The following CROCC variants were observed in gnomAD, a reference collection of about 807,000 sequenced individuals.
CROCC encodes ciliary rootlet coiled-coil, rootletin.
Under a neutral mutation model 245.2 loss-of-function variants are expected in CROCC, and 180 were observed. That is an observed-to-expected ratio of 0.73 (90% CI 0.65 to 0.83). The LOEUF (loss-of-function observed/expected upper bound fraction) is 0.83. Ranked by LOEUF, CROCC falls within the 40% of genes least tolerant of loss-of-function variation. The probability of loss-of-function intolerance (pLI) is 0.00; values close to 1 mark genes in which losing one functional copy is unlikely to be tolerated. For synonymous variants in CROCC, 1,205 were observed against 1,241.6 expected, an observed-to-expected ratio of 0.97 and a Z score of 0.62; for missense variants, 2,688 against 2,779.4, an observed-to-expected ratio of 0.97 and a Z score of 0.74.
In CROCC at chr1:16,930,600, C is replaced by T; in HGVS notation, c.849+6C>T. Reference sequence around the variant, plus strand: ...CGTGGAGGCGCGAGGAGGAGGTGGGCATGGGGGTGCAGGGAGGCCAGCCTG... The same window carrying T: ...CGTGGAGGCGCGAGGAGGAGGTGGGTATGGGGGTGCAGGGAGGCCAGCCTG... On this transcript the variant is annotated splice_donor_region_variant and intron_variant, in intron 7 of 36. Coordinates refer to ENST00000375541, the MANE Select transcript of CROCC (RefSeq NM_014675.5). 1 of 1,604,472 alleles carries T rather than the reference C, an allele frequency of 6.2e-7. No homozygotes were observed. Among genetic ancestry groups the T allele is most frequent in the Non-Finnish European group, 8.5e-7 (1 of 1,176,220 alleles).
At chr1:16,960,139 C>G (rs1054786302) in intron 26 of CROCC, among the ~76,000 whole-genome samples, 1 of 152,054 alleles carries the variant, frequency 6.6e-6, no homozygotes, top group Non-Finnish European at 1.5e-5. Flanking sequence ...TGGTGGTGCT[C>G]ACCTGTAATC....
chr1:16,914,207 C>T (rs1336322185), intron 1 of CROCC, among the ~76,000 whole-genome samples: 32 of 152,014 alleles, frequency 2.1e-4, no homozygotes, highest in Non-Finnish European at 3.7e-4. Flanking sequence ...AGGCCGCGCG[C>T]CTGGGGGCGG....
At chr1:16,936,589 A>C (rs1243470156) in intron 8 of CROCC, 48 bp from the exon 9 acceptor site, 1 of 1,494,512 alleles carries the variant, frequency 6.7e-7, no homozygotes, top group East Asian at 2.3e-5. Context: ...TTTAATTTGT[A>C]GTTGGGAGCA....
At position 16,955,994 on chromosome 1, in the gene CROCC, C is replaced by T. The variant is rs2076244726; in HGVS notation, c.3705-3C>T. On this transcript the variant is annotated splice_polypyrimidine_tract_variant and splice_region_variant and intron_variant, in intron 24 of 36. Transcript: ENST00000375541. Reference sequence around the variant, plus strand: ...GGCAGCCCCTGACCTCTGCCCTCTCCAGCCTGAAGCTTGCCAATGAGGACA... The same window carrying T: ...GGCAGCCCCTGACCTCTGCCCTCTCTAGCCTGAAGCTTGCCAATGAGGACA... 1 of 1,550,102 alleles carries T rather than the reference C, an allele frequency of 6.5e-7. No individual in the cohort carries two copies. Among genetic ancestry groups the T allele is most frequent in the Non-Finnish European group, 8.7e-7 (1 of 1,146,970 alleles).
In CROCC at chr1:16,948,669, C is replaced by G. The variant is rs2076105078; in HGVS notation, c.2709-130C>G. ...CGTCCTAGCTGTGGCTCAGGCTTCC[C>G]CAGGGAGTGTGGGCCTGGCCAGGCA... On this transcript the variant is annotated intron_variant, in intron 18 of 36. Coordinates refer to ENST00000375541, the MANE Select transcript of CROCC (RefSeq NM_014675.5). 5.9e-6 allele frequency: 9 copies of G among 1,526,844 alleles called. No individual in the cohort carries two copies. The East Asian group carries it at 2.0e-4, about 35-fold the overall frequency. 94.6% of individuals were successfully genotyped at this position (1,526,844 alleles called of 1,614,324 possible). A position where few individuals can be genotyped will look rare whatever the true frequency, so the allele number is the denominator to read the frequency against.
intron 17 of CROCC, among the ~76,000 whole-genome samples, chr1:16,947,769 T>G (rs1438345070): frequency 6.6e-6 from 1 of 152,388 alleles, no homozygotes; most frequent in East Asian, 1.9e-4. Flanking sequence ...TTTAGAGTAA[T>G]ACAAGGGTTC....
intron 20 of CROCC, chr1:16,953,101 G>C (rs2076190076): frequency 1.7e-6 from 1 of 582,232 alleles, no homozygotes; most frequent in South Asian, 2.2e-5. Context: ...CGGACCCCCA[G>C]GCCAGCCCAC....
chr1:16,924,612 T>C (rs2075489692), intron 3 of CROCC, 133 bp downstream of exon 3: 1 of 1,228,176 alleles, frequency 8.1e-7, no homozygotes, highest in Non-Finnish European at 1.1e-6. Flanking sequence ...GGATTGAGGC[T>C]CTGCCACCTT....
Position 16,954,773 on chromosome 1 carries a change from C to A in CROCC, c.3361C>A (p.Arg1121=), listed in dbSNP as rs201108592. ...NALTSELRDL[R]AQREEAAAAH... is the part of the protein sequence containing the mutation. Reference sequence around the variant, plus strand: ...TCTGACGTCTGAGCTGCGGGACCTACGGGCCCAGCGGGAGGAGGCTGCTGC... The same window carrying A: ...TCTGACGTCTGAGCTGCGGGACCTAAGGGCCCAGCGGGAGGAGGCTGCTGC... The change falls in exon 23 of 37, where the codon CGG becomes AGG. Residue 1121 remains arginine, a synonymous_variant. Coordinates refer to ENST00000375541, the MANE Select transcript of CROCC (RefSeq NM_014675.5). This position sits in a 1 kb window ranked among gnomAD's most constrained non-coding sequence, Gnocchi z 4.4. The A allele has an allele frequency of 2.6e-6, 4 of 1,554,162 alleles. No homozygotes were observed. Among genetic ancestry groups the A allele is most frequent in the South Asian group, 1.2e-5 (1 of 84,278 alleles).
chr1:16,957,138 T>G (rs1399352798), intron 25 of CROCC, among the ~76,000 whole-genome samples: 1 of 152,174 alleles, frequency 6.6e-6, no homozygotes, highest in African/African-American at 2.4e-5. Context: ...CCAGCTGTGA[T>G]GGCTCATGCC....
Position 16,969,914 on chromosome 1 carries a change from C to T in CROCC, c.5431C>T (p.Gln1811Ter). The T allele has an allele frequency of 1.3e-6, 2 of 1,598,802 alleles. No homozygotes were observed. The highest frequency in any genetic ancestry group is 1.7e-6 in the Non-Finnish European group (2 of 1,172,180). ...LELQRVEAEG[Q>*]LQQLREVLRQ... is the part of the protein sequence containing the mutation. ...ACTGCAGCGGGTGGAGGCCGAGGGC[C>T]AGCTACAACAGCTACGGGAGGTGAG... is the stretch of plus-strand genomic sequence containing the variant. Residue 1811 changes from glutamine to a stop codon, truncating the protein, a stop_gained, in exon 33 of 37, where the codon CAG becomes TAG. Coordinates refer to ENST00000375541, the MANE Select transcript of CROCC (RefSeq NM_014675.5). LOFTEE classifies it high-confidence loss of function.
upstream of CROCC, among the ~76,000 whole-genome samples, chr1:16,921,130 C>T (rs1323785110): frequency 6.6e-6 from 1 of 152,284 alleles, no homozygotes; most frequent in African/African-American, 2.4e-5. Flanking sequence ...ATGTCATGTG[C>T]TGGGTATGCA....
chr1:16,917,385 G>A (rs1234400689), upstream of CROCC, among the ~76,000 whole-genome samples: 4 of 152,404 alleles, frequency 2.6e-5, no homozygotes, highest in African/African-American at 9.6e-5. Flanking sequence ...GGAGGATAAC[G>A]AAGGGGTAAG....
chr1:16,954,673 G>A lies in CROCC; in HGVS notation c.3322-61G>A, dbSNP rs1008111235. ...AAGTGGACAGTGCACTGAGCGGGTT[G>A]GGAGCAGCCCGGGGCTGGGGGACAC... On this transcript the variant is annotated intron_variant, in intron 22 of 36. Coordinates refer to ENST00000375541, the MANE Select transcript of CROCC (RefSeq NM_014675.5). This position sits in a 1 kb window ranked among gnomAD's most constrained non-coding sequence, Gnocchi z 4.4. The A allele has an allele frequency of 6.7e-7, 1 of 1,492,588 alleles. No individual in the cohort carries two copies. Among genetic ancestry groups the A allele is most frequent in the African/African-American group, 1.4e-5 (1 of 71,400 alleles). 92.5% of individuals were successfully genotyped at this position (1,492,588 alleles called of 1,614,324 possible). A position where few individuals can be genotyped will look rare whatever the true frequency, so the allele number is the denominator to read the frequency against.
At chr1:16,948,190 T>G in intron 17 of CROCC, 141 bp from the exon 18 acceptor site, 1 of 1,399,496 alleles carries the variant, frequency 7.1e-7, no homozygotes, top group Non-Finnish European at 9.3e-7. Flanking sequence ...CTTGCCCAAG[T>G]ACATGTAGCA....
chr1:16,914,199 G>A (rs1165114837), intron 1 of CROCC, among the ~76,000 whole-genome samples: 1 of 151,798 alleles, frequency 6.6e-6, no homozygotes, highest in African/African-American at 2.4e-5. Context: ...GGCGGAGGAG[G>A]CCGCGCGCCT....
chr1:16,953,529 T>C, intron 21 of CROCC, 48 bp downstream of exon 21: 1 of 1,520,610 alleles, frequency 6.6e-7, no homozygotes, highest in Non-Finnish European at 8.8e-7. Context: ...GCTGCTCCAG[T>C]TCTGGGGCCG....
rs769419747 is a variant in CROCC, at chr1:16,966,002, G to C, written c.4579G>C (p.Glu1527Gln). The C allele has an allele frequency of 4.3e-6, 7 of 1,612,336 alleles. No individual in the cohort carries two copies. Among genetic ancestry groups the C allele is most frequent in the Admixed American group, 3.3e-5 (2 of 59,976 alleles). ...ELRSAQRERD[E>Q]LRTQTSALNR... is the part of the protein sequence containing the mutation. ...TTCCCCCATGTCGGGGCTACAGGAC[G>C]AACTTCGGACCCAGACCAGTGCCCT... is the stretch of plus-strand genomic sequence containing the variant. The change falls in exon 29 of 37, where the codon GAA (glutamate) becomes CAA (glutamine). Residue 1527 changes from glutamate (E) to glutamine (Q), a missense_variant. Glu to Gln is a conservative substitution (Grantham distance 29). Coordinates refer to ENST00000375541, the MANE Select transcript of CROCC (RefSeq NM_014675.5). The surrounding 1 kb of genome is among the most constrained non-coding windows in gnomAD (Gnocchi z 4.8).
intron 27 of CROCC, among the ~76,000 whole-genome samples, chr1:16,962,072 T>G (rs992983456): frequency 7.8e-5 from 10 of 128,550 alleles, no homozygotes; most frequent in Admixed American, 1.4e-4. Flanking sequence ...ATTCTTTTTG[T>G]TTTTTTTTGA....
Sources: allele counts gnomAD v4.1 joint callset (sites outside exome capture counted in the v4.1 genomes callset), GRCh38; gene constraint gnomAD v4.1.1; non-coding constraint Gnocchi (gnomAD v3.1); transcripts MANE v1.5; gene names NCBI Gene and HGNC (gene_info 2026-07-23, HGNC 2026-07-21).